Variants in DACH2 observed in about 807,000 individuals in gnomAD.
DACH2 encodes the protein dachshund homolog 2.
A neutral mutation model predicts 35.8 loss-of-function variants in DACH2; 17 were observed. The observed-to-expected ratio is 0.48, with a 90% confidence interval of 0.33 to 0.71. The LOEUF is 0.71. Ranked by LOEUF, DACH2 falls within the 30% of genes least tolerant of loss-of-function variation. DACH2 has a pLI of 0.02. For synonymous variants in DACH2, 195 were observed against 177.3 expected, an observed-to-expected ratio of 1.10 and a Z score of -0.79; for missense variants, 469 against 472.7, an observed-to-expected ratio of 0.99 and a Z score of 0.07.
At chrX:86,309,206 G>A (rs1273188865) in intron 1 of DACH2, among the ~76,000 whole-genome samples, 1 of 112,446 alleles carries the variant, frequency 8.9e-6, no homozygotes, top group African/African-American at 3.2e-5. Context: ...CATTTGGCCT[G>A]TACAGAAGAC....
At chrX:86,416,657 T>C (rs1236858753) in intron 2 of DACH2, among the ~76,000 whole-genome samples, 1 of 111,358 alleles carries the variant, frequency 9.0e-6, no homozygotes, top group African/African-American at 3.3e-5. Context: ...CTGCAAGCTG[T>C]ATAAGAAGTG....
At chrX:86,215,441 T>A (rs983586981) in intron 1 of DACH2, among the ~76,000 whole-genome samples, 1 of 111,937 alleles carries the variant, frequency 8.9e-6, no homozygotes, top group Admixed American at 9.5e-5. Context: ...AAGCTATGAG[T>A]TTACTATCCT....
chrX:86,443,600 G>A (rs1476881474), intron 2 of DACH2, among the ~76,000 whole-genome samples: 1 of 110,205 alleles, frequency 9.1e-6, no homozygotes, highest in Non-Finnish European at 1.9e-5. Context: ...AAGTCTTATA[G>A]GGAAAGCCTT....
intron 1 of DACH2, among the ~76,000 whole-genome samples, chrX:86,174,938 C>A (rs1217779788): frequency 2.7e-5 from 3 of 112,223 alleles, no homozygotes; most frequent in African/African-American, 3.2e-5. Flanking sequence ...CCCACCTCAG[C>A]CTCCAAAAGC....
intron 1 of DACH2, among the ~76,000 whole-genome samples, chrX:86,293,599 G>C (rs1372538250): frequency 4.5e-5 from 5 of 110,209 alleles, no homozygotes; most frequent in Non-Finnish European, 9.5e-5. Flanking sequence ...TCCTTCAGGA[G>C]CTCTTTTAGG....
intron 2 of DACH2, among the ~76,000 whole-genome samples, chrX:86,459,287 A>G (rs1400959866): frequency 8.9e-6 from 1 of 111,744 alleles, no homozygotes; most frequent in Non-Finnish European, 1.9e-5. Flanking sequence ...AGCTGCATGA[A>G]CAGTTGAAGA....
intron 1 of DACH2, among the ~76,000 whole-genome samples, chrX:86,293,247 A>AC (rs1409522160): frequency 1.5e-4 from 8 of 53,536 alleles, no homozygotes; most frequent in Non-Finnish European, 2.5e-4. Context: ...TAGGATTGCA[A>AC]CCCTGCCTTT....
chrX:86,326,908 T>C lies in DACH2; in HGVS notation c.489-49916T>C, dbSNP rs747922728. On this transcript the variant is annotated intron_variant, in intron 1 of 11. Transcript: ENST00000373125. ...TTTTGTATGTAATGAAGACGTCAAT[T>C]GAAGGAAATAACCATCAATCGGTTC... 2.7e-5 allele frequency among the ~76,000 whole-genome samples: 3 copies of C among 112,005 alleles called. No individual in the cohort carries two copies. In the Admixed American group the frequency reaches 2.8e-4, roughly 11 times the overall value.
chrX:86,328,738 T>C (rs1431717366), intron 1 of DACH2, among the ~76,000 whole-genome samples: 2 of 111,852 alleles, frequency 1.8e-5, no homozygotes, highest in African/African-American at 6.5e-5. Flanking sequence ...TCATTCACCT[T>C]CAATTCCTGA....
intron 1 of DACH2, among the ~76,000 whole-genome samples, chrX:86,294,456 G>A (rs1167661166): frequency 3.6e-5 from 4 of 110,578 alleles, no homozygotes; most frequent in East Asian, 2.9e-4. Flanking sequence ...GCTTTGTTCC[G>A]TTGCTGGTGA....
At position 86,519,652 on chromosome X, in the gene DACH2, T is replaced by C. The variant is rs922224277; in HGVS notation, c.640+5261T>C. 3.6e-5 allele frequency among the ~76,000 whole-genome samples: 4 copies of C among 111,330 alleles called. No individual in the cohort carries two copies. In the Admixed American group the frequency reaches 3.8e-4, roughly 11 times the overall value. On this transcript the variant is annotated intron_variant, in intron 3 of 11. Transcript: ENST00000373125. ...GTGTGTATGTCCAGGAATTTATCCA[T>C]CTCTTGTAGGTTTTTTAATTTTATG... is the stretch of plus-strand genomic sequence containing the variant.
Position 86,287,660 on chromosome X carries a change from A to T in DACH2, c.489-89164A>T, listed in dbSNP as rs780714229. Among the ~76,000 whole-genome samples the T allele has an allele frequency of 2.7e-5, 3 of 111,742 alleles. No individual in the cohort carries two copies. In the East Asian group the frequency reaches 8.5e-4, roughly 32 times the overall value. On this transcript the variant is annotated intron_variant, in intron 1 of 11. Coordinates refer to ENST00000373125, the MANE Select transcript of DACH2 (RefSeq NM_053281.3). ...ATGAATTTATTCTTCTACTTGATTG[A>T]TTCTACTTTTAAGACTCTAATGCAT...
intron 3 of DACH2, among the ~76,000 whole-genome samples, chrX:86,620,719 G>C (rs2040060011): frequency 9.1e-6 from 1 of 109,788 alleles, no homozygotes; most frequent in Non-Finnish European, 1.9e-5. Context: ...GAAGGGCTGA[G>C]AGCTGGGGAC....
intron 3 of DACH2, among the ~76,000 whole-genome samples, chrX:86,604,588 C>T (rs1007293990): frequency 1.8e-5 from 2 of 111,278 alleles, no homozygotes; most frequent in Admixed American, 9.6e-5. Flanking sequence ...TAAAGATTTC[C>T]CCCATGCTTC....
At chrX:86,262,893 C>A in intron 1 of DACH2, 1 of 429,084 alleles carries the variant, frequency 2.3e-6, no homozygotes, top group Non-Finnish European at 2.9e-6. Context: ...CAATATGTCA[C>A]TGTTCAGAAA....
chrX:86,514,545 A>T (rs904583882), intron 3 of DACH2, among the ~76,000 whole-genome samples, 154 bp downstream of exon 3: 9 of 112,188 alleles, frequency 8.0e-5, no homozygotes, highest in Admixed American at 6.6e-4. Context: ...GTGAAAACAA[A>T]TTTTTTTACT....
chrX:86,799,743 C>A (rs777790896), intron 7 of DACH2, among the ~76,000 whole-genome samples: 1 of 111,955 alleles, frequency 8.9e-6, no homozygotes, highest in African/African-American at 3.2e-5. Context: ...ACTCAGTTTA[C>A]CAGAGTAAAT....
chrX:86,343,433 C>A (rs1208483150), intron 1 of DACH2, among the ~76,000 whole-genome samples: 1 of 111,531 alleles, frequency 9.0e-6, no homozygotes, highest in Non-Finnish European at 1.9e-5. Context: ...GACATCAATA[C>A]CAATTTGCAT....
At chrX:86,586,628 A>C (rs1189527843) in intron 3 of DACH2, among the ~76,000 whole-genome samples, 1 of 111,716 alleles carries the variant, frequency 9.0e-6, no homozygotes, top group Non-Finnish European at 1.9e-5. Flanking sequence ...GTCCAGTTTC[A>C]ATCTTCTACA....
Sources: allele counts gnomAD v4.1 joint callset (sites outside exome capture counted in the v4.1 genomes callset), GRCh38; gene constraint gnomAD v4.1.1; transcripts MANE v1.5; gene names NCBI Gene and HGNC (gene_info 2026-07-23, HGNC 2026-07-21).